The following GSTA5 variants were observed in gnomAD, a reference collection of about 807,000 sequenced individuals.
GSTA5 encodes the protein glutathione S-transferase alpha 5.
Under a neutral mutation model 21.8 loss-of-function variants are expected in GSTA5, and 25 were observed. The observed-to-expected ratio is 1.14, with a 90% confidence interval of 0.83 to 1.60. The LOEUF (loss-of-function observed/expected upper bound fraction) is 1.60. GSTA5 is among the 40% of genes most tolerant of loss of function. GSTA5 has a pLI of 0.00. For synonymous variants in GSTA5, 102 were observed against 89.5 expected (o/e 1.14, Z -0.78); for missense variants, 330 against 259.2 (o/e 1.27, Z -1.88).
At chr6:52,843,257 G>A (rs113800860), upstream of GSTA5, among the ~76,000 whole-genome samples, 3,454 of 152,230 alleles carry the variant, frequency 0.023, 133 homozygotes, top group African/African-American at 0.077. Context: ...AATCCTTTGG[G>A]TATATACCCA....
chr6:52,845,363 G>A (rs1163390152), upstream of GSTA5, among the ~76,000 whole-genome samples: 1 of 152,138 alleles, frequency 6.6e-6, no homozygotes, highest in Non-Finnish European at 1.5e-5. Flanking sequence ...CACATCTGCG[G>A]GGAGGGAGAG....
intron 5 of GSTA5, among the ~76,000 whole-genome samples, chr6:52,832,419 G>T (rs544065876): frequency 6.6e-6 from 1 of 152,292 alleles, no homozygotes; most frequent in African/African-American, 2.4e-5. Context: ...GCAGAGTGCT[G>T]GGAGAGCTGT....
At chr6:52,836,121 C>T (rs1764288233) in intron 3 of GSTA5, 115 bp downstream of exon 3, 2 of 1,191,256 alleles carry the variant, frequency 1.7e-6, no homozygotes, top group African/African-American at 1.5e-5. Flanking sequence ...AGCGTGCATC[C>T]TCAAGACCCA....
chr6:52,839,854 G>A (rs933056265), intron 1 of GSTA5, among the ~76,000 whole-genome samples: 2 of 152,200 alleles, frequency 1.3e-5, no homozygotes, highest in African/African-American at 4.8e-5. Flanking sequence ...ATGCTTGGGT[G>A]TTCTAGAAGC....
In GSTA5 at chr6:52,837,629, AT is replaced by A; in HGVS notation, c.88-21del. Reference sequence around the variant, plus strand: ...TTCCAACTGGAAGCAGAAACAGTAAATGGGTTCTTCTTAGTTAATTCTATTA... The same window carrying A: ...TTCCAACTGGAAGCAGAAACAGTAAAGGGTTCTTCTTAGTTAATTCTATTA... On this transcript the variant is annotated intron_variant, in intron 1 of 5. Transcript: ENST00000370989. 6.3e-7 allele frequency: 1 copy of A among 1,578,976 alleles called. No individual in the cohort carries two copies. The highest frequency in any genetic ancestry group is 1.1e-5 in the South Asian group (1 of 90,020).
chr6:52,832,939 C>G (rs1169825444), exon 5 of GSTA5: 2 of 1,614,128 alleles, frequency 1.2e-6, no homozygotes, highest in African/African-American at 1.3e-5. Flanking sequence ...TGAATGTCAG[C>G]CCAGCTCAGC....
chr6:52,836,197 G>C, intron 3 of GSTA5, 39 bp downstream of exon 3: 1 of 1,606,846 alleles, frequency 6.2e-7, no homozygotes, highest in Non-Finnish European at 8.5e-7. Flanking sequence ...AAATCACTCT[G>C]TGTTCTCTGT....
Position 52,831,978 on chromosome 6 carries a change from C to G in GSTA5, c.547-8G>C, listed in dbSNP as rs769477370. ...GATTCTGGTTTTCAGGGCCTGTAATCCACAAAGCACAGCCTCAGAGTGAAG... is the reference window on the plus strand; with the variant it reads ...GATTCTGGTTTTCAGGGCCTGTAATGCACAAAGCACAGCCTCAGAGTGAAG... On this transcript the variant is annotated splice_polypyrimidine_tract_variant and splice_region_variant and intron_variant, in intron 5 of 5. Coordinates refer to ENST00000370989, the Ensembl canonical transcript of GSTA5. 1 of 1,610,538 alleles carries G rather than the reference C, an allele frequency of 6.2e-7. No homozygotes were observed. Among genetic ancestry groups the G allele is most frequent in the Non-Finnish European group, 8.5e-7 (1 of 1,179,124 alleles).
chr6:52,841,344 C>G, upstream of GSTA5, among the ~76,000 whole-genome samples: 1 of 152,150 alleles, frequency 6.6e-6, no homozygotes, highest in Non-Finnish European at 1.5e-5. Flanking sequence ...TGAAGTCACG[C>G]CTGGAAGACA....
chr6:52,839,600 C>T (rs1469848956), intron 1 of GSTA5, among the ~76,000 whole-genome samples: 1 of 152,202 alleles, frequency 6.6e-6, no homozygotes, highest in Non-Finnish European at 1.5e-5. Flanking sequence ...AAGTTCCCTT[C>T]ACAGGACGCC....
upstream of GSTA5, among the ~76,000 whole-genome samples, chr6:52,842,159 A>G (rs1424863481): frequency 6.6e-6 from 1 of 152,164 alleles, no homozygotes; most frequent in Non-Finnish European, 1.5e-5. Context: ...GAGGTGGAAC[A>G]TAGCAGAGTA....
exon 5 of GSTA5, chr6:52,832,864 G>T: frequency 1.2e-6 from 2 of 1,613,896 alleles, no homozygotes; most frequent in East Asian, 2.2e-5. Flanking sequence ...GTCACCTTCA[G>T]CAGAGGGAAG....
intron 5 of GSTA5, among the ~76,000 whole-genome samples, 156 bp from the exon 6 acceptor site, chr6:52,832,126 A>G (rs1424302840): frequency 6.6e-6 from 1 of 152,218 alleles, no homozygotes; most frequent in Non-Finnish European, 1.5e-5. Flanking sequence ...TGAGAAATGA[A>G]GATAAGAGGA....
intron 3 of GSTA5, among the ~76,000 whole-genome samples, 173 bp downstream of exon 3, chr6:52,836,063 A>G (rs1179097677): frequency 6.6e-6 from 1 of 152,002 alleles, no homozygotes; most frequent in Non-Finnish European, 1.5e-5. Flanking sequence ...AACCCTCCCC[A>G]TGTTCACTGT....
upstream of GSTA5, among the ~76,000 whole-genome samples, chr6:52,842,622 C>T (rs1764394493): frequency 6.6e-6 from 1 of 152,038 alleles, no homozygotes; most frequent in Non-Finnish European, 1.5e-5. Context: ...CCAGGCTGGT[C>T]TCAAACACCT....
At chr6:52,839,102 C>T (rs978347794) in intron 1 of GSTA5, among the ~76,000 whole-genome samples, 1 of 151,842 alleles carries the variant, frequency 6.6e-6, no homozygotes, top group Non-Finnish European at 1.5e-5. Context: ...AATAAGGCAT[C>T]CAGTTCAGGA....
upstream of GSTA5, among the ~76,000 whole-genome samples, chr6:52,842,316 T>G (rs1403052596): frequency 6.6e-6 from 1 of 152,226 alleles, no homozygotes; most frequent in East Asian, 1.9e-4. Context: ...CCCCCAGCTC[T>G]GTGATTAAAC....
chr6:52,839,594 TC>T (rs1764344060), intron 1 of GSTA5, among the ~76,000 whole-genome samples: 1 of 152,048 alleles, frequency 6.6e-6, no homozygotes, highest in South Asian at 2.1e-4. Context: ...CGCTAGAAGT[TC>T]CCTTCACAGG....
intron 5 of GSTA5, among the ~76,000 whole-genome samples, chr6:52,832,299 T>A (rs981154979): frequency 6.6e-6 from 1 of 152,194 alleles, no homozygotes; most frequent in African/African-American, 2.4e-5. Flanking sequence ...GATCAGTCTC[T>A]AAGCAGAAGT....
Sources: allele counts gnomAD v4.1 joint callset (sites outside exome capture counted in the v4.1 genomes callset), GRCh38; gene constraint gnomAD v4.1.1; transcripts MANE v1.5; gene names NCBI Gene and HGNC (gene_info 2026-07-23, HGNC 2026-07-21).